The following CSMD1 variants were observed in gnomAD, a reference collection of about 807,000 sequenced individuals.
CSMD1 encodes the protein CUB and sushi domain-containing protein 1.
A neutral mutation model predicts 417.5 loss-of-function variants in CSMD1; 213 were observed. The observed-to-expected ratio is 0.51, with a 90% CI of 0.46 to 0.57. CSMD1 has a LOEUF of 0.57. CSMD1 is among the 20% of genes least tolerant of loss of function. CSMD1 has a pLI of 0.00. For missense variants in CSMD1, 6,923 were observed against 4,529.7 expected, an observed-to-expected ratio of 1.53 and a Z score of -15.17; for synonymous variants, 2,862 against 1,736.8, an observed-to-expected ratio of 1.65 and a Z score of -16.11.
chr8:4,201,003 T>C (rs977223118), intron 3 of CSMD1, among the ~76,000 whole-genome samples: 4 of 152,164 alleles, frequency 2.6e-5, no homozygotes, highest in African/African-American at 9.7e-5. Flanking sequence ...GCGCCGTTCA[T>C]ATCAGTGTGG....
At chr8:3,733,071 T>A (rs1485331429) in intron 6 of CSMD1, among the ~76,000 whole-genome samples, 1 of 151,644 alleles carries the variant, frequency 6.6e-6, no homozygotes, top group Non-Finnish European at 1.5e-5. Context: ...GCTGATTGGT[T>A]TTATAAAAGT....
At chr8:2,969,804 G>T (rs1020183112) in intron 57 of CSMD1, among the ~76,000 whole-genome samples, 2 of 152,150 alleles carry the variant, frequency 1.3e-5, no homozygotes, top group Admixed American at 1.3e-4. Context: ...TCAAATTTTT[G>T]CTGGTGTGTG....
chr8:4,055,237 G>C (rs543668483), intron 3 of CSMD1, among the ~76,000 whole-genome samples: 1 of 152,180 alleles, frequency 6.6e-6, no homozygotes, highest in South Asian at 2.1e-4. Flanking sequence ...GAGACAATAG[G>C]ATTACTTGCC....
At chr8:4,333,238 C>A (rs1434411281) in intron 3 of CSMD1, among the ~76,000 whole-genome samples, 1 of 152,114 alleles carries the variant, frequency 6.6e-6, no homozygotes, top group African/African-American at 2.4e-5. Context: ...TGCCTAGTGA[C>A]CCTGGACACA....
rs539117505 is a variant in CSMD1 at position 3,998,959 on chromosome 8, G to T, written c.611-849C>A. Among the ~76,000 whole-genome samples the T allele has an allele frequency of 2.0e-5, 3 of 147,268 alleles. 1 individual carries two copies. In the East Asian group the frequency reaches 5.9e-4, roughly 29 times the overall value. On this transcript the variant is annotated intron_variant, in intron 4 of 69. Coordinates refer to ENST00000635120, the MANE Select transcript of CSMD1 (RefSeq NM_033225.6). ...TTATATATAAATAACAAACTATATG[G>T]TAGTTTATATATAAATAACATAAAC...
At chr8:3,599,529 C>G (rs539112692) in intron 8 of CSMD1, among the ~76,000 whole-genome samples, 1 of 152,278 alleles carries the variant, frequency 6.6e-6, no homozygotes, top group South Asian at 2.1e-4. Flanking sequence ...GTAACCCCAA[C>G]GCAGCATTGT....
intron 1 of CSMD1, among the ~76,000 whole-genome samples, chr8:4,947,323 T>C (rs528512123): frequency 6.6e-6 from 1 of 152,280 alleles, no homozygotes; most frequent in African/African-American, 2.4e-5. Flanking sequence ...AAAAGGTCAG[T>C]TCTTCTCCCA....
At chr8:3,714,362 G>C (rs999945390) in intron 6 of CSMD1, among the ~76,000 whole-genome samples, 15 of 150,250 alleles carry the variant, frequency 1.0e-4, no homozygotes, top group Non-Finnish European at 1.9e-4. Flanking sequence ...TCTTTTTATA[G>C]TATCACAGCA....
chr8:3,235,538 A>T (rs1348158549), intron 26 of CSMD1, among the ~76,000 whole-genome samples: 1 of 152,164 alleles, frequency 6.6e-6, no homozygotes, highest in Non-Finnish European at 1.5e-5. Flanking sequence ...CACATTAAGG[A>T]TTAAAGGCTC....
chr8:3,362,475 C>T (rs1585053727), intron 20 of CSMD1, among the ~76,000 whole-genome samples: 2 of 152,312 alleles, frequency 1.3e-5, no homozygotes, highest in South Asian at 4.1e-4. Context: ...CCTTTCTTAG[C>T]TCCCTGGATG....
chr8:3,414,110 G>T (rs1158702898), intron 12 of CSMD1, among the ~76,000 whole-genome samples: 1 of 146,490 alleles, frequency 6.8e-6, no homozygotes. Context: ...CTGCAGTCCA[G>T]CCTGTGTGAC....
intron 6 of CSMD1, among the ~76,000 whole-genome samples, chr8:3,734,168 T>C (rs1796407948): frequency 6.6e-6 from 1 of 152,204 alleles, no homozygotes; most frequent in Admixed American, 6.5e-5. Flanking sequence ...ACCAATATAC[T>C]ACTTAAAACA....
At chr8:3,321,848 T>C (rs1259249819) in intron 23 of CSMD1, among the ~76,000 whole-genome samples, 1 of 152,334 alleles carries the variant, frequency 6.6e-6, no homozygotes, top group Non-Finnish European at 1.5e-5. Context: ...TAACACTTTC[T>C]GATTTGTACA....
At chr8:3,109,711 G>A (rs1816376838) in intron 43 of CSMD1, among the ~76,000 whole-genome samples, 1 of 151,566 alleles carries the variant, frequency 6.6e-6, no homozygotes, top group African/African-American at 2.4e-5. Context: ...CTCCCCCTGT[G>A]GGCTCCAACA....
At chr8:4,809,394 T>A (rs538826419) in intron 1 of CSMD1, among the ~76,000 whole-genome samples, 1 of 152,346 alleles carries the variant, frequency 6.6e-6, no homozygotes, top group African/African-American at 2.4e-5. Flanking sequence ...CTCAACATTT[T>A]AAGCAGTAAG....
chr8:3,586,737 A>C (rs910811598), intron 8 of CSMD1, among the ~76,000 whole-genome samples: 5 of 152,208 alleles, frequency 3.3e-5, no homozygotes, highest in Non-Finnish European at 2.9e-5. Context: ...TTATATTTAA[A>C]AGAAAGCTAG....
chr8:4,727,813 G>A (rs1809557529), intron 1 of CSMD1, among the ~76,000 whole-genome samples: 2 of 150,408 alleles, frequency 1.3e-5, no homozygotes, highest in Admixed American at 6.7e-5. Flanking sequence ...TTTGGTACAT[G>A]TATATGTTTG....
intron 37 of CSMD1, among the ~76,000 whole-genome samples, chr8:3,172,931 C>T (rs757073630): frequency 7.2e-5 from 11 of 152,108 alleles, no homozygotes; most frequent in African/African-American, 2.2e-4. Context: ...CTTGGAAGTA[C>T]GTGACGTTAC....
intron 50 of CSMD1, among the ~76,000 whole-genome samples, chr8:3,038,728 C>T (rs1448084972): frequency 6.6e-6 from 1 of 151,982 alleles, no homozygotes; most frequent in Non-Finnish European, 1.5e-5. Context: ...TTCCTAATTG[C>T]CCTAATTATA....
Sources: allele counts gnomAD v4.1 joint callset (sites outside exome capture counted in the v4.1 genomes callset), GRCh38; gene constraint gnomAD v4.1.1; transcripts MANE v1.5; gene names NCBI Gene and HGNC (gene_info 2026-07-23, HGNC 2026-07-21).